The following SYNJ2BP variants were observed in gnomAD, a reference collection of about 807,000 sequenced individuals.
The protein encoded by SYNJ2BP is synaptojanin 2 binding protein.
A neutral mutation model predicts 16.9 loss-of-function variants in SYNJ2BP; 10 were observed. The observed-to-expected ratio is 0.59, with a 90% CI of 0.36 to 1.00. The LOEUF is 1.00. SYNJ2BP is among the 50% of genes least tolerant of loss of function. The pLI is 0.01. For synonymous variants in SYNJ2BP, 54 were observed against 68.4 expected, an observed-to-expected ratio of 0.79 and a Z score of 1.04; for missense variants, 162 against 186.7, an observed-to-expected ratio of 0.87 and a Z score of 0.77.
chr14:70,381,041 T>C (rs1187465897), intron 2 of SYNJ2BP, among the ~76,000 whole-genome samples: 1 of 152,212 alleles, frequency 6.6e-6, no homozygotes, highest in Non-Finnish European at 1.5e-5. Flanking sequence ...TTCCTGAAGT[T>C]TGGCTGCAGA....
chr14:70,396,622 TTA>T (rs914107237), intron 1 of SYNJ2BP, among the ~76,000 whole-genome samples: 15 of 141,604 alleles, frequency 1.1e-4, no homozygotes, highest in African/African-American at 7.8e-5. Context: ...ATATGTATAT[TTA>T]TATATATATG....
At position 70,369,493 on chromosome 14, in the gene SYNJ2BP, T is replaced by C. The variant is rs1887471310; in HGVS notation, c.*3498A>G. On this transcript the variant is annotated 3_prime_UTR_variant, in exon 4 of 4. Coordinates refer to ENST00000256366, the MANE Select transcript of SYNJ2BP (RefSeq NM_018373.3). Reference sequence around the variant, plus strand: ...TCCAGTGAGAGAATATCATTGATGCTGGCATCTGAAGTCCTGAGTTTAAAT... The same window carrying C: ...TCCAGTGAGAGAATATCATTGATGCCGGCATCTGAAGTCCTGAGTTTAAAT... 6.6e-6 allele frequency: 1 copy of C among 152,248 alleles called. No homozygotes were observed. The highest frequency in any genetic ancestry group is 2.4e-5 in the African/African-American group (1 of 41,470). 9.4% of individuals were successfully genotyped at this position (152,248 alleles called of 1,614,324 possible). A position where few individuals can be genotyped will look rare whatever the true frequency, so the allele number is the denominator to read the frequency against.
Position 70,388,926 on chromosome 14 carries a change from CT to C in SYNJ2BP, c.65-321del, listed in dbSNP as rs201784694. On this transcript the variant is annotated intron_variant, in intron 1 of 3. Transcript: ENST00000256366. ...TTACTCTAAGTTCGTTCTTCTTTTTCTTTTTTTTTTTTTTTCAGAGTCTTGC... is the reference window on the plus strand; with the variant it reads ...TTACTCTAAGTTCGTTCTTCTTTTTCTTTTTTTTTTTTTTCAGAGTCTTGC... 1.7e-3 allele frequency among the ~76,000 whole-genome samples: 236 copies of C among 137,310 alleles called. 2 individuals are homozygous for C. Among genetic ancestry groups the C allele is most frequent in the South Asian group, 9.2e-3 (39 of 4,254 alleles). The allele number at this position is 137,310 out of a possible 152,430, so 90.1% of individuals were successfully genotyped here. A position where few individuals can be genotyped will look rare whatever the true frequency, so the allele number is the denominator to read the frequency against.
At chr14:70,374,326 C>G (rs1382031389) in intron 3 of SYNJ2BP, among the ~76,000 whole-genome samples, 2 of 152,208 alleles carry the variant, frequency 1.3e-5, no homozygotes, top group African/African-American at 4.8e-5. Context: ...CCATTACACC[C>G]AGATTCTGCT....
intron 1 of SYNJ2BP, among the ~76,000 whole-genome samples, chr14:70,392,687 T>C (rs1042043755): frequency 6.6e-6 from 1 of 152,166 alleles, no homozygotes; most frequent in South Asian, 2.1e-4. Flanking sequence ...CACCCATCTA[T>C]AAACAGGAAC....
At position 70,367,798 on chromosome 14, in the gene SYNJ2BP, G is replaced by GT. The variant is rs1355803693; in HGVS notation, c.*5192dup. 6.6e-6 allele frequency: 1 copy of GT among 152,018 alleles called. No homozygotes were observed. The highest frequency in any genetic ancestry group is 1.5e-5 in the Non-Finnish European group (1 of 68,012). The allele number at this position is 152,018 out of a possible 1,614,324, so 9.4% of individuals were successfully genotyped here. ...TCATAACTCAATCTTCTACTACCAG[G>GT]TGATGTTAAAAAAATACTTTAACAT... is the stretch of plus-strand genomic sequence containing the variant. On this transcript the variant is annotated 3_prime_UTR_variant, in exon 4 of 4. Transcript: ENST00000256366.
chr14:70,392,714 C>T (rs10139233), intron 1 of SYNJ2BP, among the ~76,000 whole-genome samples: 133,139 of 152,226 alleles, frequency 0.87, 58,281 homozygotes, highest in East Asian at 0.93. Context: ...TTATTAAGTA[C>T]GTCTATGGCA....
At chr14:70,398,069 G>T (rs373639799) in intron 1 of SYNJ2BP, among the ~76,000 whole-genome samples, 1 of 152,152 alleles carries the variant, frequency 6.6e-6, no homozygotes, top group South Asian at 2.1e-4. Context: ...CTCTCTGTAG[G>T]CAGGTCATCT....
In SYNJ2BP at chr14:70,381,323, A is replaced by T. The variant is rs11849033; in HGVS notation, c.202-5552T>A. 4.7e-3 allele frequency among the ~76,000 whole-genome samples: 719 copies of T among 152,278 alleles called. 5 individuals are homozygous for T. The highest frequency in any genetic ancestry group is 0.024 in the Middle Eastern group (7 of 292). On this transcript the variant is annotated intron_variant, in intron 2 of 3. Transcript: ENST00000256366. ...GGCTAAAGGTATTCTAATTTAAGAG[A>T]CGTTATTCTAATGACTACTTTAAAA...
intron 1 of SYNJ2BP, among the ~76,000 whole-genome samples, chr14:70,415,563 A>G (rs1213475764): frequency 6.6e-6 from 1 of 151,824 alleles, no homozygotes; most frequent in Non-Finnish European, 1.5e-5. Flanking sequence ...AAAAAAAAAA[A>G]AGAAAAGAAA....
intron 2 of SYNJ2BP, among the ~76,000 whole-genome samples, chr14:70,378,781 G>GA (rs1212478214): frequency 2.0e-5 from 3 of 152,036 alleles, no homozygotes; most frequent in African/African-American, 7.2e-5. Context: ...CATGTCAAGA[G>GA]AAAAAATTAA....
At chr14:70,390,651 G>C (rs891837184) in intron 1 of SYNJ2BP, among the ~76,000 whole-genome samples, 2 of 149,984 alleles carry the variant, frequency 1.3e-5, no homozygotes, top group Admixed American at 6.6e-5. Flanking sequence ...CTGGGCGACA[G>C]AGCAAGACTC....
chr14:70,408,231 C>T (rs1336676573), intron 1 of SYNJ2BP, among the ~76,000 whole-genome samples: 1 of 151,950 alleles, frequency 6.6e-6, no homozygotes, highest in Non-Finnish European at 1.5e-5. Context: ...CACAGCTTAC[C>T]CTACCCTTCC....
intron 1 of SYNJ2BP, among the ~76,000 whole-genome samples, chr14:70,399,527 T>TTG (rs1888186956): frequency 6.6e-6 from 1 of 152,146 alleles, no homozygotes; most frequent in Non-Finnish European, 1.5e-5. Flanking sequence ...CATGTGAGGG[T>TTG]GGGGGACACA....
chr14:70,380,678 T>TA (rs889956527), intron 2 of SYNJ2BP, among the ~76,000 whole-genome samples: 5 of 151,208 alleles, frequency 3.3e-5, no homozygotes, highest in Admixed American at 1.3e-4. Flanking sequence ...AAAAAAAAGT[T>TA]AGAGTTGAAT....
In SYNJ2BP at chr14:70,417,030, T is replaced by C. The variant is rs1381838706; in HGVS notation, c.-67A>G. On this transcript the variant is annotated 5_prime_UTR_variant, in exon 1 of 4. Coordinates refer to ENST00000256366, the MANE Select transcript of SYNJ2BP (RefSeq NM_018373.3). ...TGCAGCACAGGTGAAGGTGAATCAATCTCGGCGCTGCGCCCACAGCACAGC... is the reference window on the plus strand; with the variant it reads ...TGCAGCACAGGTGAAGGTGAATCAACCTCGGCGCTGCGCCCACAGCACAGC... 1.9e-6 allele frequency: 3 copies of C among 1,612,032 alleles called. No homozygotes were observed. In the East Asian group the frequency reaches 6.7e-5, roughly 36 times the overall value.
At position 70,388,554 on chromosome 14, in the gene SYNJ2BP, G is replaced by A. The variant is rs777633024; in HGVS notation, c.117C>T (p.Asp39=). ...TGATGCGGCTGACGTAGATGCCACT[G>A]TCGTTGGAGACATACTGCTGATCTG... ...GGTDQQYVSN[D]SGIYVSRIKE... The change falls in exon 2 of 4, where the codon GAC becomes GAT. Residue 39 remains aspartate (D), a synonymous_variant. Transcript: ENST00000256366. 6.3e-7 allele frequency: 1 copy of A among 1,599,836 alleles called. No homozygotes were observed. The highest frequency in any genetic ancestry group is 8.5e-7 in the Non-Finnish European group (1 of 1,173,460).
intron 2 of SYNJ2BP, among the ~76,000 whole-genome samples, chr14:70,386,322 A>G (rs1447917841): frequency 6.6e-6 from 1 of 152,224 alleles, no homozygotes; most frequent in Non-Finnish European, 1.5e-5. Context: ...AGACAGGTAT[A>G]TTATCACTGT....
chr14:70,398,200 T>C (rs1308037776), intron 1 of SYNJ2BP, among the ~76,000 whole-genome samples: 1 of 152,170 alleles, frequency 6.6e-6, no homozygotes, highest in Non-Finnish European at 1.5e-5. Flanking sequence ...GTATGCCGAC[T>C]GGTCCATGGG....
Sources: gnomAD v4.1 joint callset for allele counts (sites outside exome capture counted in the v4.1 genomes callset) on GRCh38, gnomAD v4.1.1 for gene constraint, MANE v1.5 for transcripts, NCBI Gene and HGNC (gene_info 2026-07-23, HGNC 2026-07-21) for gene names.